Variants in HTR5A observed in about 807,000 individuals in gnomAD.
HTR5A encodes 5-hydroxytryptamine receptor 5A.
A neutral mutation model predicts 24.3 loss-of-function variants in HTR5A; 21 were observed. The ratio of observed to expected loss-of-function variants is 0.86; its 90% confidence interval spans 0.61 to 1.24. The LOEUF is 1.24. Ranked by LOEUF, HTR5A falls within the 50% of genes most tolerant of loss-of-function variation. The pLI, the probability that HTR5A is intolerant of heterozygous loss-of-function variation, is 0.00. For synonymous variants in HTR5A, 260 were observed against 213.7 expected, an observed-to-expected ratio of 1.22 and a Z score of -1.89; for missense variants, 497 against 489.5, an observed-to-expected ratio of 1.02 and a Z score of -0.15.
chr7:155,073,560 C>T (rs1209026453), intron 1 of HTR5A, among the ~76,000 whole-genome samples: 1 of 151,876 alleles, frequency 6.6e-6, no homozygotes, highest in African/African-American at 2.4e-5. Context: ...AAGTGAGGTT[C>T]CATGTGTATG....
chr7:155,071,590 G>T lies in HTR5A; in HGVS notation c.691G>T (p.Val231Leu), dbSNP rs114318906. Residue 231 changes from valine (V) to leucine (L), a missense_variant, in exon 1 of 2, where the codon GTG becomes TTG. Physicochemically the swap from Val to Leu is conservative, Grantham distance 32. Transcript: ENST00000287907. The stretch of plus-strand genomic sequence containing the variant: ...GATCTACAAGGCTGCCAAGTTCCGC[G>T]TGGGCTCCAGGAAGACCAATAGCGT... ...WKIYKAAKFRVGSRKTNSVSP... is the reference protein window; with the variant it reads ...WKIYKAAKFRLGSRKTNSVSP... 2 of 1,614,216 alleles carry T rather than the reference G, an allele frequency of 1.2e-6. No individual in the cohort carries two copies. The highest frequency in any genetic ancestry group is 1.3e-5 in the African/African-American group (1 of 75,054).
At chr7:155,073,908 T>TAC (rs1795331997) in intron 1 of HTR5A, among the ~76,000 whole-genome samples, 1 of 143,188 alleles carries the variant, frequency 7.0e-6, no homozygotes, top group African/African-American at 2.7e-5. Context: ...TATATATATA[T>TAC]ATATATATGT....
chr7:155,071,860 G>A (rs1054021360), intron 1 of HTR5A, among the ~76,000 whole-genome samples: 3 of 152,128 alleles, frequency 2.0e-5, no homozygotes, highest in African/African-American at 7.2e-5. Flanking sequence ...TCTCTAATGG[G>A]TTGTTTGTTA....
Position 155,087,048 on chromosome 7 carries a change from T to C in HTR5A, c.*2561T>C, listed in dbSNP as rs73732215. Among the ~76,000 whole-genome samples, 6,482 of 152,180 alleles carry C rather than the reference T, an allele frequency of 0.043. 415 individuals carry two copies. Among genetic ancestry groups the C allele is most frequent in the African/African-American group, 0.14 (5,895 of 41,492 alleles). On this transcript the variant is annotated 3_prime_UTR_variant, in exon 2 of 2. Transcript: ENST00000287907. ...AGAATATGTCGAACAAAACGCACAGTTCTGCCCTCCTGCCTAAAGACAAAG... is the reference window on the plus strand; with the variant it reads ...AGAATATGTCGAACAAAACGCACAGCTCTGCCCTCCTGCCTAAAGACAAAG...
At chr7:155,079,704 G>A (rs1409253952) in intron 1 of HTR5A, among the ~76,000 whole-genome samples, 1 of 152,164 alleles carries the variant, frequency 6.6e-6, no homozygotes, top group East Asian at 1.9e-4. Context: ...TCTTAAAAAA[G>A]AGGATTGAGA....
intron 1 of HTR5A, among the ~76,000 whole-genome samples, chr7:155,076,693 C>A (rs1265424262): frequency 1.3e-5 from 2 of 151,968 alleles, no homozygotes; most frequent in Non-Finnish European, 2.9e-5. Flanking sequence ...CATGTTACAC[C>A]AGGAGAAGGA....
rs1196840484 is a variant in HTR5A at position 155,086,820 on chromosome 7, T to C, written c.*2333T>C. 2.0e-5 allele frequency among the ~76,000 whole-genome samples: 3 copies of C among 152,236 alleles called. No homozygotes were observed. The highest frequency in any genetic ancestry group is 4.8e-5 in the African/African-American group (2 of 41,464). On this transcript the variant is annotated 3_prime_UTR_variant, in exon 2 of 2. Transcript: ENST00000287907. ...TGAAACACTCTCATTTATGCTTGAC[T>C]GCTAATATTTTATCAGGTTAGAAAT...
intron 1 of HTR5A, among the ~76,000 whole-genome samples, chr7:155,072,290 C>A (rs1585119008): frequency 6.6e-6 from 1 of 152,138 alleles, no homozygotes; most frequent in Admixed American, 6.5e-5. Flanking sequence ...GCTTCCACTG[C>A]CTTAGGGTGT....
chr7:155,070,922 C>T lies in HTR5A; in HGVS notation c.23C>T (p.Thr8Ile). 1.2e-6 allele frequency: 2 copies of T among 1,604,280 alleles called. No homozygotes were observed. Among genetic ancestry groups the T allele is most frequent in the African/African-American group, 1.3e-5 (1 of 75,048 alleles). Reference sequence around the variant, plus strand: ...GAGATGGATTTACCTGTGAACCTAACCTCCTTTTCCCTCTCCACCCCCTCC... The same window carrying T: ...GAGATGGATTTACCTGTGAACCTAATCTCCTTTTCCCTCTCCACCCCCTCC... MDLPVNL[T>I]SFSLSTPSPL... The change falls in exon 1 of 2, where the codon ACC becomes ATC. Residue 8 changes from threonine (T) to isoleucine (I), a missense_variant. Physicochemically the swap from Thr to Ile is moderately conservative, Grantham distance 89. Coordinates refer to ENST00000287907, the MANE Select transcript of HTR5A (RefSeq NM_024012.4).
Position 155,086,351 on chromosome 7 carries a change from G to A in HTR5A, c.*1864G>A, listed in dbSNP as rs942107261. On this transcript the variant is annotated 3_prime_UTR_variant, in exon 2 of 2. Transcript: ENST00000287907. ...TGTGAAAACTTTTAATCCATAAATC[G>A]TGAGTGTCTTACTGTTTAAAAAAGT... Among the ~76,000 whole-genome samples the A allele has an allele frequency of 1.1e-4, 16 of 152,214 alleles. No homozygotes were observed. Among genetic ancestry groups the A allele is most frequent in the African/African-American group, 2.4e-4 (10 of 41,452 alleles).
At chr7:155,076,836 C>G (rs66867850) in intron 1 of HTR5A, among the ~76,000 whole-genome samples, 34,732 of 152,104 alleles carry the variant, frequency 0.23, 4,956 homozygotes, top group South Asian at 0.31. Flanking sequence ...GATGTGTTGA[C>G]TAGTTGAATT....
In HTR5A at chr7:155,086,898, G is replaced by A. The variant is rs755309076; in HGVS notation, c.*2411G>A. ...GCTCAAAATAACTAATTGTGTTCCC[G>A]TGCCAGATTGCAACAACCACCTTTA... On this transcript the variant is annotated 3_prime_UTR_variant, in exon 2 of 2. Coordinates refer to ENST00000287907, the MANE Select transcript of HTR5A (RefSeq NM_024012.4). Among the ~76,000 whole-genome samples the A allele has an allele frequency of 9.2e-5, 14 of 152,124 alleles. No homozygotes were observed. Among genetic ancestry groups the A allele is most frequent in the Non-Finnish European group, 1.9e-4 (13 of 68,022 alleles).
intron 1 of HTR5A, among the ~76,000 whole-genome samples, chr7:155,082,189 C>A (rs1290455130): frequency 2.0e-5 from 3 of 151,502 alleles, no homozygotes; most frequent in Non-Finnish European, 4.4e-5. Context: ...TGAACAGCAT[C>A]CATGGTGTCA....
At chr7:155,074,055 G>A (rs1196757699) in intron 1 of HTR5A, among the ~76,000 whole-genome samples, 5 of 151,736 alleles carry the variant, frequency 3.3e-5, no homozygotes, top group Admixed American at 6.6e-5. Flanking sequence ...ATGTTATGTT[G>A]AAGGGTTAAT....
intron 1 of HTR5A, among the ~76,000 whole-genome samples, chr7:155,075,196 AGTCT>A (rs1482893743): frequency 2.0e-5 from 3 of 152,228 alleles, no homozygotes; most frequent in Non-Finnish European, 2.9e-5. Context: ...TTTTCTTCTC[AGTCT>A]GTCTGTGTTG....
Position 155,071,425 on chromosome 7 carries a change from C to T in HTR5A, c.526C>T (p.Pro176Ser). 1 of 1,614,220 alleles carries T rather than the reference C, an allele frequency of 6.2e-7. No homozygotes were observed. Among genetic ancestry groups the T allele is most frequent in the Non-Finnish European group, 8.5e-7 (1 of 1,180,046 alleles). Residue 176 changes from proline to serine, a missense_variant, in exon 1 of 2, where the codon CCG (proline) becomes TCG (serine). By Grantham distance (74) the Pro-to-Ser change is moderately conservative. Coordinates refer to ENST00000287907, the MANE Select transcript of HTR5A (RefSeq NM_024012.4). ...ACTCTCCGCTGTCATCTCTCTGGCC[C>T]CGCTGCTTTTTGGCTGGGGAGAGAC... is the stretch of plus-strand genomic sequence containing the variant. ...WALSAVISLAPLLFGWGETYS... is the reference protein window; with the variant it reads ...WALSAVISLASLLFGWGETYS...
rs1211956615 is a variant in HTR5A, at chr7:155,071,155, G to C, written c.256G>C (p.Asp86His). Reference protein sequence around the residue: ...HNLVASMAVSDVLVAALVMPL... With the variant: ...HNLVASMAVSHVLVAALVMPL... ...CCTGGTGGCATCCATGGCCGTCTCGGATGTCCTGGTGGCCGCGCTGGTCAT... is the reference window on the plus strand; with the variant it reads ...CCTGGTGGCATCCATGGCCGTCTCGCATGTCCTGGTGGCCGCGCTGGTCAT... Residue 86 changes from aspartate to histidine, a missense_variant, in exon 1 of 2, where the codon GAT becomes CAT. Transcript: ENST00000287907. 1 of 1,603,988 alleles carries C rather than the reference G, an allele frequency of 6.2e-7. No homozygotes were observed. Among genetic ancestry groups the C allele is most frequent in the Non-Finnish European group, 8.5e-7 (1 of 1,179,908 alleles).
chr7:155,080,395 G>C (rs755715287), intron 1 of HTR5A, among the ~76,000 whole-genome samples: 49 of 152,140 alleles, frequency 3.2e-4, no homozygotes, highest in Non-Finnish European at 5.7e-4. Flanking sequence ...TGAGCAATAA[G>C]AGCCCAGTGA....
intron 1 of HTR5A, among the ~76,000 whole-genome samples, chr7:155,072,494 T>C (rs911473181): frequency 2.0e-5 from 3 of 152,202 alleles, no homozygotes; most frequent in Non-Finnish European, 4.4e-5. Context: ...TTTTCTCATC[T>C]TCTCCCACTC....
Sources: gnomAD v4.1 joint callset for allele counts (sites outside exome capture counted in the v4.1 genomes callset) on GRCh38, gnomAD v4.1.1 for gene constraint, MANE v1.5 for transcripts, NCBI Gene and HGNC (gene_info 2026-07-23, HGNC 2026-07-21) for gene names.